The following NR3C1 variants were observed in gnomAD, a reference collection of about 807,000 sequenced individuals.
NR3C1 encodes the protein glucocorticoid receptor.
In NR3C1, 14 loss-of-function variants were observed where a neutral mutation model predicts 74.0. The observed-to-expected ratio is 0.19, with a 90% CI of 0.12 to 0.30. The LOEUF (loss-of-function observed/expected upper bound fraction) is 0.30. Ranked by LOEUF, NR3C1 falls within the 10% of genes least tolerant of loss-of-function variation. The probability of loss-of-function intolerance (pLI) is 1.00; values close to 1 mark genes in which losing one functional copy is unlikely to be tolerated. For synonymous variants in NR3C1, 308 were observed against 332.5 expected (o/e 0.93, Z 0.80); for missense variants, 695 against 909.8 (o/e 0.76, Z 3.04).
Position 143,281,955 on chromosome 5 carries a change from G to A in NR3C1, c.2268C>T (p.Ile756=), listed in dbSNP as rs1343066360. ...AATATTTTGGTATCTGATTGGTGAT[G>A]ATTTCAGCTAACATCTCGGGGAATT... ...SIEFPEMLAE[I]ITNQIPKYSN... is the part of the protein sequence containing the mutation. Residue 756 remains isoleucine (I), a synonymous_variant, in exon 9 of 9, where the codon ATC becomes ATT. Transcript: ENST00000394464. The A allele has an allele frequency of 3.1e-6, 5 of 1,613,202 alleles. No homozygotes were observed. The highest frequency in any genetic ancestry group is 1.1e-5 in the South Asian group (1 of 91,054).
rs775105429 is a variant in NR3C1, at chr5:143,399,622, C to T, written c.1184+34G>A. 3 of 1,409,124 alleles carry T rather than the reference C, an allele frequency of 2.1e-6. No individual in the cohort carries two copies. In the East Asian group the frequency reaches 6.8e-5, roughly 32 times the overall value. The allele number at this position is 1,409,124 out of a possible 1,614,324, so 87.3% of individuals were successfully genotyped here. On this transcript the variant is annotated intron_variant, in intron 2 of 8. Coordinates refer to ENST00000394464, the MANE Select transcript of NR3C1 (RefSeq NM_000176.3). ...CATCTATTAATCTACCTTAAATGTA[C>T]CATTCTTAAGAAACAGAAAAACACT...
chr5:143,403,888 G>A (rs1216765514), upstream of NR3C1: 7 of 979,978 alleles, frequency 7.1e-6, no homozygotes, highest in East Asian at 2.3e-4. Flanking sequence ...GCACGCCCGC[G>A]TCCCCTGGCG....
intron 1 of NR3C1, among the ~76,000 whole-genome samples, chr5:143,433,424 A>ATATATATATATAATTTATTTAAAT (rs1751941933): frequency 1.5e-5 from 2 of 135,946 alleles, no homozygotes; most frequent in African/African-American, 5.7e-5. Context: ...TATTTAAATT[A>ATATATATATATAATTTATTTAAAT]TATATATATA....
intron 1 of NR3C1, chr5:143,409,018 A>T (rs1010804309): frequency 1.3e-5 from 2 of 152,226 alleles, no homozygotes. Context: ...AATCAAATTA[A>T]GTAAGTACAG....
chr5:143,347,736 T>C (rs1002621954), intron 2 of NR3C1, among the ~76,000 whole-genome samples: 1 of 152,336 alleles, frequency 6.6e-6, no homozygotes, highest in African/African-American at 2.4e-5. Context: ...TGAAATGACA[T>C]TGATGTTTTC....
chr5:143,435,277 T>C, exon 1 of NR3C1: 10 of 985,490 alleles, frequency 1.0e-5, no homozygotes, highest in Non-Finnish European at 1.2e-5. Flanking sequence ...TTTACGGTCC[T>C]GCAGGGCTTG....
chr5:143,420,054 T>C (rs964475133), intron 1 of NR3C1, among the ~76,000 whole-genome samples: 2 of 152,158 alleles, frequency 1.3e-5, no homozygotes, highest in South Asian at 2.1e-4. Flanking sequence ...AGAAGAGAAA[T>C]ATGGCTCTGT....
intron 1 of NR3C1, among the ~76,000 whole-genome samples, chr5:143,419,056 C>G (rs1751072972): frequency 6.6e-6 from 1 of 152,166 alleles, no homozygotes; most frequent in South Asian, 2.1e-4. Flanking sequence ...TTTTTGAGTG[C>G]TATCATGATG....
chr5:143,400,420 C>G lies in NR3C1; in HGVS notation c.420G>C (p.Lys140Asn), dbSNP rs756187323. Residue 140 changes from lysine to asparagine, a missense_variant, in exon 2 of 9, where the codon AAG becomes AAC. Coordinates refer to ENST00000394464, the MANE Select transcript of NR3C1 (RefSeq NM_000176.3). ...CAGACACAGCAGTGGATGCTGAACT[C>G]TTGGGGTTCTCTGGAACACTGGTCG... Reference protein sequence around the residue: ...NRSTSVPENPKSSASTAVSAA... With the variant: ...NRSTSVPENPNSSASTAVSAA... 6.2e-7 allele frequency: 1 copy of G among 1,614,048 alleles called. No homozygotes were observed. Among genetic ancestry groups the G allele is most frequent in the African/African-American group, 1.3e-5 (1 of 74,920 alleles).
intron 7 of NR3C1, among the ~76,000 whole-genome samples, chr5:143,288,868 G>A (rs1407801966): frequency 6.6e-6 from 1 of 152,072 alleles, no homozygotes. Context: ...CACTTTGGGA[G>A]GCCGAGGTGG....
At chr5:143,304,198 A>G (rs1046559607) in intron 4 of NR3C1, among the ~76,000 whole-genome samples, 2 of 152,216 alleles carry the variant, frequency 1.3e-5, no homozygotes, top group African/African-American at 4.8e-5. Context: ...TGGAGCTGAT[A>G]AACAACTTTG....
chr5:143,292,847 C>T (rs891240815), intron 7 of NR3C1, among the ~76,000 whole-genome samples: 1 of 152,120 alleles, frequency 6.6e-6, no homozygotes, highest in African/African-American at 2.4e-5. Flanking sequence ...CTGTATTTGT[C>T]TATTCTTCTA....
rs761964114 is a variant in NR3C1, at chr5:143,300,599, A to G, written c.1633T>C (p.Tyr545His). 2.5e-6 allele frequency: 4 copies of G among 1,614,202 alleles called. No homozygotes were observed. The highest frequency in any genetic ancestry group is 2.5e-6 in the Non-Finnish European group (3 of 1,180,022). Reference sequence around the variant, plus strand: ...GGAACAGAGCTATCATATCCTGCATATAACACTTCAGGTTCAATAACCTCC... The same window carrying G: ...GGAACAGAGCTATCATATCCTGCATGTAACACTTCAGGTTCAATAACCTCC... The part of the protein sequence containing the change: ...LLEVIEPEVL[Y>H]AGYDSSVPDS... The change falls in exon 5 of 9, where the codon TAT (tyrosine) becomes CAT (histidine). Residue 545 changes from tyrosine to histidine, a missense_variant. Around this residue, in one of 4 missense-constraint regions of NR3C1, gnomAD observed 133 missense variants for 287.9 expected, o/e 0.46. Coordinates refer to ENST00000394464, the MANE Select transcript of NR3C1 (RefSeq NM_000176.3). The surrounding 1 kb of genome is among the most constrained non-coding windows in gnomAD (Gnocchi z 5.2).
At chr5:143,383,497 G>A (rs1359043594) in intron 2 of NR3C1, among the ~76,000 whole-genome samples, 1 of 152,214 alleles carries the variant, frequency 6.6e-6, no homozygotes, top group Admixed American at 6.5e-5. Context: ...CATTTACTGG[G>A]TACCTACTAT....
chr5:143,372,649 T>G (rs920331268), intron 2 of NR3C1, among the ~76,000 whole-genome samples: 12 of 152,234 alleles, frequency 7.9e-5, no homozygotes, highest in African/African-American at 2.9e-4. Flanking sequence ...TTATCACAGC[T>G]GGTCACCATC....
intron 7 of NR3C1, among the ~76,000 whole-genome samples, chr5:143,283,036 T>G (rs539237269): frequency 1.3e-5 from 2 of 152,246 alleles, no homozygotes; most frequent in African/African-American, 4.8e-5. Flanking sequence ...CAAGCCACTG[T>G]GTCTGGCTAA....
Position 143,282,033 on chromosome 5 carries a change from T to G in NR3C1, c.2190A>C (p.Glu730Asp). 1 of 1,613,560 alleles carries G rather than the reference T, an allele frequency of 6.2e-7. No homozygotes were observed. The highest frequency in any genetic ancestry group is 8.5e-7 in the Non-Finnish European group (1 of 1,179,702). Residue 730 changes from glutamate to aspartate, a missense_variant, in exon 9 of 9, where the codon GAA (glutamate) becomes GAC (aspartate). Glu to Asp is a conservative substitution (Grantham distance 45, BLOSUM62 2). Coordinates refer to ENST00000394464, the MANE Select transcript of NR3C1 (RefSeq NM_000176.3). ...KLLDSMHEVV[E>D]NLLNYCFQTF... is the part of the protein sequence containing the mutation. ...TTTGGAAGCAATAGTTAAGGAGATTTTCAACCACCTGCAAGAGAAGATATG... is the reference window on the plus strand; with the variant it reads ...TTTGGAAGCAATAGTTAAGGAGATTGTCAACCACCTGCAAGAGAAGATATG...
chr5:143,309,881 A>G (rs1251338858), intron 4 of NR3C1, among the ~76,000 whole-genome samples: 7 of 152,204 alleles, frequency 4.6e-5, no homozygotes, highest in Non-Finnish European at 8.8e-5. Context: ...TACTGAATTC[A>G]GTGTGTGTAA....
intron 2 of NR3C1, among the ~76,000 whole-genome samples, chr5:143,335,310 A>G (rs1330434260): frequency 6.6e-6 from 1 of 152,094 alleles, no homozygotes; most frequent in African/African-American, 2.4e-5. Flanking sequence ...ATAAAGCCCA[A>G]CTCATGTTTT....
Sources: allele counts gnomAD v4.1 joint callset (sites outside exome capture counted in the v4.1 genomes callset), GRCh38; gene constraint gnomAD v4.1.1; regional missense constraint gnomAD v4.1.1; non-coding constraint Gnocchi (gnomAD v3.1); transcripts MANE v1.5; gene names NCBI Gene and HGNC (gene_info 2026-07-23, HGNC 2026-07-21).